The following KNTC1 variants were observed in gnomAD, a reference collection of about 807,000 sequenced individuals.
KNTC1 encodes the protein kinetochore-associated protein 1.
A neutral mutation model predicts 314.4 loss-of-function variants in KNTC1; 253 were observed. That is an observed-to-expected ratio of 0.80 (90% CI 0.73 to 0.89). The LOEUF (loss-of-function observed/expected upper bound fraction) is 0.89, where lower values mean the gene tolerates loss of function less well. KNTC1 is among the 40% of genes least tolerant of loss of function. The probability of loss-of-function intolerance (pLI) is 0.00; values close to 1 mark genes in which losing one functional copy is unlikely to be tolerated. For missense variants in KNTC1, 2,475 were observed against 2,572.9 expected, an observed-to-expected ratio of 0.96 and a Z score of 0.82; for synonymous variants, 901 against 901.4, an observed-to-expected ratio of 1.00 and a Z score of 0.01.
In KNTC1 at chr12:122,542,982, G is replaced by A. The variant is rs183861821; in HGVS notation, c.524-618G>A. Among the ~76,000 whole-genome samples the A allele has an allele frequency of 5.9e-5, 9 of 151,904 alleles. No homozygotes were observed. In the East Asian group the frequency reaches 9.7e-4, roughly 16 times the overall value. On this transcript the variant is annotated intron_variant, in intron 6 of 63. Transcript: ENST00000333479. ...GGCTGGAGTACAGTGGTATGATATC[G>A]GCTCACTGCAACCTCCGCTTCCCAG... is the stretch of plus-strand genomic sequence containing the variant.
intron 2 of KNTC1, among the ~76,000 whole-genome samples, chr12:122,532,925 A>G (rs1961486666): frequency 1.3e-5 from 2 of 152,154 alleles, no homozygotes; most frequent in South Asian, 2.1e-4. Context: ...TTAAGAAACT[A>G]TGTGTGAGCC....
intron 60 of KNTC1, among the ~76,000 whole-genome samples, chr12:122,620,901 C>T (rs1874357771): frequency 6.6e-6 from 1 of 152,152 alleles, no homozygotes; most frequent in South Asian, 2.1e-4. Flanking sequence ...AAAGGAATAA[C>T]CCATTAACCC....
rs571211307 is a variant in KNTC1 at position 122,604,767 on chromosome 12, G to A, written c.5176-110G>A. ...GACCAAGGCTTTATGTAGATGCTTA[G>A]GAACATAACTGAGGAAGGGGGGAGG... On this transcript the variant is annotated intron_variant, in intron 49 of 63. Coordinates refer to ENST00000333479, the MANE Select transcript of KNTC1 (RefSeq NM_014708.6). The A allele has an allele frequency of 5.2e-5, 65 of 1,260,122 alleles. No homozygotes were observed. The South Asian group carries it at 7.3e-4, about 14-fold the overall frequency. 78.1% of individuals were successfully genotyped at this position (1,260,122 alleles called of 1,614,324 possible). A position where few individuals can be genotyped will look rare whatever the true frequency, so the allele number is the denominator to read the frequency against.
At chr12:122,541,283 G>GCCTTCCTTCCTTCCTT (rs1326545612) in intron 5 of KNTC1, among the ~76,000 whole-genome samples, 5 of 66,762 alleles carry the variant, frequency 7.5e-5, no homozygotes, top group East Asian at 2.0e-3. Context: ...CTGCCTGCCT[G>GCCTTCCTTCCTTCCTT]CCTGCCTTCC....
intron 33 of KNTC1, among the ~76,000 whole-genome samples, chr12:122,581,484 C>T (rs1314173273): frequency 1.3e-5 from 2 of 150,594 alleles, no homozygotes; most frequent in African/African-American, 4.9e-5. Flanking sequence ...CAGGTGTGAG[C>T]CACCGCGCCT....
Position 122,590,648 on chromosome 12 carries a change from T to G in KNTC1, c.4041T>G (p.Gly1347=). The change falls in exon 41 of 64, where the codon GGT becomes GGG. Residue 1347 remains glycine, a synonymous_variant. Transcript: ENST00000333479. ...TGGTAGATCTTGACCTGGCGTTGGGTTACTGCACTCTCTTACCTCAAAAAG... is the reference window on the plus strand; with the variant it reads ...TGGTAGATCTTGACCTGGCGTTGGGGTACTGCACTCTCTTACCTCAAAAAG... ...CRLVDLDLAL[G]YCTLLPQKDV... 1 of 1,613,636 alleles carries G rather than the reference T, an allele frequency of 6.2e-7. No homozygotes were observed. Among genetic ancestry groups the G allele is most frequent in the Non-Finnish European group, 8.5e-7 (1 of 1,179,664 alleles).
In KNTC1 at chr12:122,589,878, G is replaced by A. The variant is rs541116651; in HGVS notation, c.4000-729G>A. 1.0e-4 allele frequency among the ~76,000 whole-genome samples: 14 copies of A among 138,048 alleles called. No homozygotes were observed. In the South Asian group the frequency reaches 3.3e-3, roughly 33 times the overall value. 90.6% of individuals were successfully genotyped at this position (138,048 alleles called of 152,430 possible). A position where few individuals can be genotyped will look rare whatever the true frequency, so the allele number is the denominator to read the frequency against. ...GGCTCACTGCAAGCTCCGCCTCCCA[G>A]GTTCACGCCATTCTCCTGCCTCAGC... On this transcript the variant is annotated intron_variant, in intron 40 of 63. Coordinates refer to ENST00000333479, the MANE Select transcript of KNTC1 (RefSeq NM_014708.6).
chr12:122,590,559 T>C (rs1870044115), intron 40 of KNTC1, 48 bp from the exon 41 acceptor site: 1 of 1,553,582 alleles, frequency 6.4e-7, no homozygotes. Context: ...AAGTTAATTC[T>C]GTTTTGATTG....
chr12:122,574,380 C>T lies in KNTC1; in HGVS notation c.2382C>T (p.Asp794=), dbSNP rs1027639757. ...TAATAGCGTGTTTATCTGACACGGA[C>T]GTAAGTAAATAGTGACCATTTGCGT... The part of the protein sequence containing the change: ...MAVIACLSDT[D]LIFDAVLKIM... The change falls in exon 27 of 64, where the codon GAC becomes GAT. Residue 794 remains aspartate, a splice_region_variant and synonymous_variant. Transcript: ENST00000333479. 36 of 1,563,196 alleles carry T rather than the reference C, an allele frequency of 2.3e-5. No homozygotes were observed. The highest frequency in any genetic ancestry group is 2.0e-4 in the South Asian group (18 of 87,846).
intron 1 of KNTC1, among the ~76,000 whole-genome samples, chr12:122,527,953 A>G (rs1268530234): frequency 6.6e-6 from 1 of 152,180 alleles, no homozygotes; most frequent in African/African-American, 2.4e-5. Context: ...CACTTTTTGT[A>G]ATTATTTGTG....
intron 44 of KNTC1, among the ~76,000 whole-genome samples, chr12:122,599,362 A>AGT (rs777228416): frequency 5.7e-5 from 3 of 52,182 alleles, no homozygotes; most frequent in South Asian, 7.4e-4. Flanking sequence ...CAGGGAAAAA[A>AGT]ATTTTTTTTT....
chr12:122,602,588 A>G lies in KNTC1; in HGVS notation c.4673A>G (p.His1558Arg), dbSNP rs1250360699. The change falls in exon 46 of 64, where the codon CAT (histidine) becomes CGT (arginine). Residue 1558 changes from histidine to arginine, a missense_variant. His to Arg is a conservative substitution (Grantham distance 29, BLOSUM62 0). Transcript: ENST00000333479. ...NINQALSILK[H>R]LKSYRRISPP... ...ATATAGGCATTGAGTATTCTGAAAC[A>G]TTTGAAGTCATACAGAAGAATTTCT... is the stretch of plus-strand genomic sequence containing the variant. 17 of 1,608,914 alleles carry G rather than the reference A, an allele frequency of 1.1e-5. No individual in the cohort carries two copies. The highest frequency in any genetic ancestry group is 1.4e-5 in the Non-Finnish European group (17 of 1,176,260).
At position 122,559,216 on chromosome 12, in the gene KNTC1, C is replaced by A. The variant is rs560140311; in HGVS notation, c.1488+1527C>A. The stretch of plus-strand genomic sequence containing the variant: ...CAAAAAATACAAAAAATTATCCAGG[C>A]ATGGTGGCACGCACCTGTAGTCCCA... On this transcript the variant is annotated intron_variant, in intron 18 of 63. Transcript: ENST00000333479. 6.6e-5 allele frequency among the ~76,000 whole-genome samples: 10 copies of A among 152,064 alleles called. No homozygotes were observed. The South Asian group carries it at 2.1e-3, about 32-fold the overall frequency.
At chr12:122,609,986 T>C (rs1054209306) in intron 52 of KNTC1, among the ~76,000 whole-genome samples, 3 of 152,196 alleles carry the variant, frequency 2.0e-5, no homozygotes, top group Admixed American at 2.0e-4. Context: ...GCCAGCCAGC[T>C]TTTTGTCTTT....
chr12:122,553,393 G>A (rs1963331409), intron 16 of KNTC1, among the ~76,000 whole-genome samples: 1 of 152,124 alleles, frequency 6.6e-6, no homozygotes, highest in African/African-American at 2.4e-5. Flanking sequence ...AGTCGTGCAT[G>A]CTGGTAGTCC....
Position 122,548,642 on chromosome 12 carries a change from G to A in KNTC1, c.987+673G>A, listed in dbSNP as rs145320818. ...TCATTCAACAGAGTTGGAATATGGG[G>A]TAGAACATCATTTCATATGTAACAT... On this transcript the variant is annotated intron_variant, in intron 12 of 63. Transcript: ENST00000333479. Among the ~76,000 whole-genome samples the A allele has an allele frequency of 6.1e-4, 93 of 152,106 alleles. 3 individuals carry two copies. In the East Asian group the frequency reaches 0.015, roughly 24 times the overall value.
intron 20 of KNTC1, among the ~76,000 whole-genome samples, chr12:122,567,118 G>T (rs775421422): frequency 5.3e-5 from 8 of 151,982 alleles, no homozygotes; most frequent in South Asian, 2.1e-4. Flanking sequence ...CTGTTGCCCA[G>T]GCTGGAGTGC....
chr12:122,569,545 G>A (rs1964558901), intron 21 of KNTC1, 136 bp from the exon 22 acceptor site: 1 of 691,200 alleles, frequency 1.4e-6, no homozygotes, highest in Middle Eastern at 4.0e-4. Flanking sequence ...TTTGCATAGT[G>A]TGAATCTCCT....
At chr12:122,583,028 G>C in intron 34 of KNTC1, 43 bp downstream of exon 34, 1 of 1,555,514 alleles carries the variant, frequency 6.4e-7, no homozygotes, top group Admixed American at 1.9e-5. Context: ...CTCTGAAATT[G>C]CGGCTGGGCA....
Sources: allele counts gnomAD v4.1 joint callset (sites outside exome capture counted in the v4.1 genomes callset), GRCh38; gene constraint gnomAD v4.1.1; transcripts MANE v1.5; gene names NCBI Gene and HGNC (gene_info 2026-07-23, HGNC 2026-07-21).